The following ADGRB3 variants were observed in gnomAD, a reference collection of about 807,000 sequenced individuals.
ADGRB3 encodes adhesion G protein-coupled receptor B3.
ADGRB3 carries 37 observed loss-of-function variants against 193.4 expected under a neutral mutation model. That is an observed-to-expected ratio of 0.19 (90% CI 0.15 to 0.25). The LOEUF is 0.25. ADGRB3 is among the 10% of genes least tolerant of loss of function. The probability of loss-of-function intolerance (pLI) is 1.00; values close to 1 mark genes in which losing one functional copy is unlikely to be tolerated. For synonymous variants in ADGRB3, 690 were observed against 644.2 expected (o/e 1.07, Z -1.08); for missense variants, 1,637 against 1,852.9 (o/e 0.88, Z 2.14).
intron 16 of ADGRB3, among the ~76,000 whole-genome samples, chr6:69,074,784 A>G (rs183212333): frequency 1.3e-5 from 2 of 152,036 alleles, no homozygotes; most frequent in African/African-American, 4.8e-5. Flanking sequence ...TGACCTCGTG[A>G]TCTGCCCTCC....
intron 3 of ADGRB3, among the ~76,000 whole-genome samples, chr6:68,799,123 A>T (rs1027623893): frequency 2.6e-5 from 4 of 152,170 alleles, no homozygotes; most frequent in African/African-American, 9.7e-5. Flanking sequence ...GGGAGGGAGT[A>T]CACATTTAGA....
chr6:69,065,422 TC>T (rs1000100807), intron 16 of ADGRB3, among the ~76,000 whole-genome samples: 46 of 152,284 alleles, frequency 3.0e-4, no homozygotes, highest in Admixed American at 8.5e-4. Context: ...CTCACTGTTG[TC>T]TGTACAATAT....
intron 3 of ADGRB3, among the ~76,000 whole-genome samples, chr6:68,772,894 A>AAATAT (rs1466813173): frequency 5.3e-4 from 12 of 22,856 alleles, no homozygotes; most frequent in South Asian, 2.0e-3. Flanking sequence ...AAAAAAAAAA[A>AAATAT]ATATATATAT....
intron 29 of ADGRB3, among the ~76,000 whole-genome samples, chr6:69,364,463 T>C (rs534548273): frequency 6.6e-6 from 1 of 152,184 alleles, no homozygotes; most frequent in South Asian, 2.1e-4. Flanking sequence ...TTTGTTCAGC[T>C]AACCACCAAT....
chr6:68,784,639 A>G (rs1366208735), intron 3 of ADGRB3, among the ~76,000 whole-genome samples: 1 of 152,138 alleles, frequency 6.6e-6, no homozygotes, highest in Admixed American at 6.6e-5. Flanking sequence ...GAATATTTTT[A>G]TATGAGCTTT....
intron 17 of ADGRB3, among the ~76,000 whole-genome samples, chr6:69,086,263 CTATATAG>C (rs1258601741): frequency 6.6e-6 from 1 of 152,084 alleles, no homozygotes; most frequent in Non-Finnish European, 1.5e-5. Flanking sequence ...AATATTGCCA[CTATATAG>C]TATATAGAAA....
At chr6:68,738,246 T>C (rs1398354296) in intron 3 of ADGRB3, among the ~76,000 whole-genome samples, 1 of 152,136 alleles carries the variant, frequency 6.6e-6, no homozygotes, top group Non-Finnish European at 1.5e-5. Context: ...TGCAAACTGA[T>C]AGCAGATGAG....
intron 26 of ADGRB3, among the ~76,000 whole-genome samples, chr6:69,341,204 A>G (rs987586003): frequency 3.9e-5 from 6 of 152,192 alleles, no homozygotes; most frequent in Non-Finnish European, 8.8e-5. Flanking sequence ...GTCTTCCACA[A>G]TGGTTGAGCT....
chr6:68,913,828 C>A (rs545603033), intron 3 of ADGRB3, among the ~76,000 whole-genome samples: 12 of 151,818 alleles, frequency 7.9e-5, no homozygotes, highest in Non-Finnish European at 1.6e-4. Context: ...CTAGAATAAC[C>A]AATACAGAGA....
intron 3 of ADGRB3, among the ~76,000 whole-genome samples, chr6:68,674,972 A>G (rs1405319133): frequency 6.6e-6 from 1 of 152,262 alleles, no homozygotes; most frequent in East Asian, 1.9e-4. Context: ...TAGGGAAGTT[A>G]AAGATTATGT....
At chr6:68,789,523 A>C (rs9354800) in intron 3 of ADGRB3, among the ~76,000 whole-genome samples, 80,448 of 152,130 alleles carry the variant, frequency 0.53, 22,760 homozygotes, top group East Asian at 0.86. Flanking sequence ...CGGAGAGATC[A>C]GCTGTTAGTC....
At chr6:69,026,310 C>A (rs1210603185) in intron 13 of ADGRB3, among the ~76,000 whole-genome samples, 1 of 152,034 alleles carries the variant, frequency 6.6e-6, no homozygotes, top group African/African-American at 2.4e-5. Context: ...ATCTGCAAAG[C>A]GGTATTTGAA....
intron 3 of ADGRB3, among the ~76,000 whole-genome samples, chr6:68,796,315 T>G (rs1044021041): frequency 2.6e-5 from 4 of 152,140 alleles, no homozygotes; most frequent in African/African-American, 9.6e-5. Flanking sequence ...AATGTCATTT[T>G]TTCTCCAGTG....
chr6:69,212,525 GAA>G (rs3839473), intron 17 of ADGRB3, among the ~76,000 whole-genome samples: 23,198 of 150,242 alleles, frequency 0.15, 1,968 homozygotes, highest in Non-Finnish European at 0.18. Flanking sequence ...TATTTTAAAA[GAA>G]AAAAAAAATA....
intron 3 of ADGRB3, among the ~76,000 whole-genome samples, chr6:68,895,392 T>C (rs1444749534): frequency 6.6e-6 from 1 of 151,988 alleles, no homozygotes; most frequent in African/African-American, 2.4e-5. Context: ...TGCAAAATTT[T>C]GTGATGACAT....
rs553777706 is a variant in ADGRB3 at position 69,111,959 on chromosome 6, A to T, written c.2480+35921A>T. Among the ~76,000 whole-genome samples the T allele has an allele frequency of 5.3e-5, 8 of 152,340 alleles. No homozygotes were observed. In the South Asian group the frequency reaches 1.7e-3, roughly 32 times the overall value. ...GTCATTTATAGTTCCACTAACCTGG[A>T]ATTTTTGCATGGGCAGGAACTGTTT... is the stretch of plus-strand genomic sequence containing the variant. On this transcript the variant is annotated intron_variant, in intron 17 of 31. Transcript: ENST00000370598.
At chr6:69,017,511 T>C (rs1264426867) in intron 12 of ADGRB3, among the ~76,000 whole-genome samples, 4 of 151,944 alleles carry the variant, frequency 2.6e-5, no homozygotes, top group African/African-American at 4.8e-5. Flanking sequence ...CAATAGCCTT[T>C]ATGTTCCAAA....
At chr6:68,715,495 T>C (rs1765474960) in intron 3 of ADGRB3, among the ~76,000 whole-genome samples, 1 of 151,770 alleles carries the variant, frequency 6.6e-6, no homozygotes, top group Non-Finnish European at 1.5e-5. Context: ...GACTTTGCCA[T>C]AGTCATGTGT....
chr6:68,913,266 C>A (rs1766773979), intron 3 of ADGRB3, among the ~76,000 whole-genome samples: 1 of 152,100 alleles, frequency 6.6e-6, no homozygotes, highest in Non-Finnish European at 1.5e-5. Flanking sequence ...ACCCCTGACC[C>A]CCGAGCAGCC....
Sources: gnomAD v4.1 joint callset for allele counts (sites outside exome capture counted in the v4.1 genomes callset) on GRCh38, gnomAD v4.1.1 for gene constraint, MANE v1.5 for transcripts, NCBI Gene and HGNC (gene_info 2026-07-23, HGNC 2026-07-21) for gene names.